CCDC110: variants seen among roughly 807,000 people sequenced by gnomAD.
CCDC110 encodes coiled-coil domain-containing protein 110.
In CCDC110, 70 loss-of-function variants were observed where a neutral mutation model predicts 77.1. That is an observed-to-expected ratio of 0.91 (90% CI 0.75 to 1.11). The LOEUF (loss-of-function observed/expected upper bound fraction) is 1.11, where lower values mean the gene tolerates loss of function less well. CCDC110 is among the 50% of genes least tolerant of loss of function. CCDC110 has a pLI of 0.00. For missense variants in CCDC110, 868 were observed against 942.9 expected, an observed-to-expected ratio of 0.92 and a Z score of 1.04; for synonymous variants, 295 against 312.5, an observed-to-expected ratio of 0.94 and a Z score of 0.59.
At chr4:185,447,122 A>T (rs2095614341) in intron 6 of CCDC110, among the ~76,000 whole-genome samples, 1 of 151,770 alleles carries the variant, frequency 6.6e-6, no homozygotes, top group Non-Finnish European at 1.5e-5. Flanking sequence ...GTCATTCCAT[A>T]TATGTTATAC....
rs2095637678 is a variant in CCDC110, at chr4:185,457,505, C to G, written c.2461+621G>C. ...GGCTCCTGCTATTGTAACAAACTCT[C>G]CTTAATCTCTCGCTCAGGAGTCTTG... On this transcript the variant is annotated intron_variant, in intron 6 of 6. Coordinates refer to ENST00000307588, the MANE Select transcript of CCDC110 (RefSeq NM_152775.4). 2.0e-5 allele frequency among the ~76,000 whole-genome samples: 3 copies of G among 152,196 alleles called. No homozygotes were observed. In the South Asian group the frequency reaches 6.2e-4, roughly 32 times the overall value.
intron 6 of CCDC110, among the ~76,000 whole-genome samples, chr4:185,453,873 G>T (rs1398392233): frequency 6.6e-6 from 1 of 150,528 alleles, no homozygotes; most frequent in Non-Finnish European, 1.5e-5. Flanking sequence ...GAGTGCAATG[G>T]TGTGATCTCG....
chr4:185,457,775 T>C lies in CCDC110; in HGVS notation c.2461+351A>G, dbSNP rs1416711381. ...CATTGATTTTAGCAGTTTATTTATA[T>C]ATCTTGGATGGAAGCAAATGATACA... On this transcript the variant is annotated intron_variant, in intron 6 of 6. Coordinates refer to ENST00000307588, the MANE Select transcript of CCDC110 (RefSeq NM_152775.4). The C allele has an allele frequency of 2.8e-6, 4 of 1,436,750 alleles. No individual in the cohort carries two copies. The Admixed American group carries it at 1.1e-4, about 40-fold the overall frequency. 89.0% of individuals were successfully genotyped at this position (1,436,750 alleles called of 1,614,324 possible). A position where few individuals can be genotyped will look rare whatever the true frequency, so the allele number is the denominator to read the frequency against.
chr4:185,453,293 G>A (rs1439419402), intron 6 of CCDC110, among the ~76,000 whole-genome samples: 1 of 152,100 alleles, frequency 6.6e-6, no homozygotes, highest in Non-Finnish European at 1.5e-5. Flanking sequence ...TAAGTTGTAA[G>A]GTAATTTGTT....
rs147851012 is a variant in CCDC110 at position 185,458,174 on chromosome 4, C to G, written c.2413G>C (p.Glu805Gln). 3.1e-6 allele frequency: 5 copies of G among 1,599,076 alleles called. No homozygotes were observed. The highest frequency in any genetic ancestry group is 4.3e-6 in the Non-Finnish European group (5 of 1,175,768). Residue 805 changes from glutamate (E) to glutamine (Q), a missense_variant, in exon 6 of 7, where the codon GAA becomes CAA. Physicochemically the swap from Glu to Gln is conservative, Grantham distance 29. Coordinates refer to ENST00000307588, the MANE Select transcript of CCDC110 (RefSeq NM_152775.4). ...CTACTCTGAGGACTAGAAGTATCTT[C>G]GTGAGTATAGTTGTCAAAATGGAAT... Reference protein sequence around the residue: ...EKFHFDNYTHEDTSSPQSRPL... With the variant: ...EKFHFDNYTHQDTSSPQSRPL...
In CCDC110 at chr4:185,460,012, T is replaced by C; in HGVS notation, c.575A>G (p.Asp192Gly). Residue 192 changes from aspartate (D) to glycine (G), a missense_variant, in exon 6 of 7, where the codon GAC becomes GGC. Coordinates refer to ENST00000307588, the MANE Select transcript of CCDC110 (RefSeq NM_152775.4). The stretch of plus-strand genomic sequence containing the variant: ...AAAGTTATTATAATTCTTCAAGATG[T>C]CAGAATTTTCTGAAGGGTGTATAAT... ...NIIIHPSENSDILKNYNNFYR... is the reference protein window; with the variant it reads ...NIIIHPSENSGILKNYNNFYR... The C allele has an allele frequency of 1.9e-6, 3 of 1,612,904 alleles. No individual in the cohort carries two copies. Among genetic ancestry groups the C allele is most frequent in the Non-Finnish European group, 1.7e-6 (2 of 1,179,210 alleles).
Position 185,460,090 on chromosome 4 carries a change from G to A in CCDC110, c.497C>T (p.Ser166Phe). 1 of 1,613,802 alleles carries A rather than the reference G, an allele frequency of 6.2e-7. No homozygotes were observed. The highest frequency in any genetic ancestry group is 1.7e-4 in the Middle Eastern group (1 of 6,058). Reference sequence around the variant, plus strand: ...AGTTCTCAGAGTTAATGTGTCCTCGGAATGTATCTGGGATGGAACATTTAC... The same window carrying A: ...AGTTCTCAGAGTTAATGTGTCCTCGAAATGTATCTGGGATGGAACATTTAC... ...QSVNVPSQIH[S>F]EDTLTLRTST... The change falls in exon 6 of 7, where the codon TCC (serine) becomes TTC (phenylalanine). Residue 166 changes from serine to phenylalanine, a missense_variant. Coordinates refer to ENST00000307588, the MANE Select transcript of CCDC110 (RefSeq NM_152775.4).
chr4:185,471,480 C>A, intron 1 of CCDC110, 194 bp downstream of exon 1: 2 of 571,512 alleles, frequency 3.5e-6, no homozygotes, highest in Non-Finnish European at 5.8e-6. Flanking sequence ...CGTAGCCAGC[C>A]TGTAAGCCAC....
intron 6 of CCDC110, among the ~76,000 whole-genome samples, chr4:185,456,169 CAG>C (rs1561155853): frequency 2.6e-5 from 4 of 151,882 alleles, no homozygotes; most frequent in South Asian, 2.1e-4. Flanking sequence ...CTGATCAAAA[CAG>C]AATTAAATTA....
rs1310545366 is a variant in CCDC110 at position 185,458,850 on chromosome 4, C to A, written c.1737G>T (p.Leu579=). ...IEMEAMKTNI[L]LIQDEKEMLE... ...ACATTTCTTTTTCATCTTGTATCAACAGAATATTGGTTTTCATTGCTTCCA... is the reference window on the plus strand; with the variant it reads ...ACATTTCTTTTTCATCTTGTATCAAAAGAATATTGGTTTTCATTGCTTCCA... The change falls in exon 6 of 7, where the codon CTG becomes CTT. Residue 579 remains leucine (L), a synonymous_variant. Coordinates refer to ENST00000307588, the MANE Select transcript of CCDC110 (RefSeq NM_152775.4). 6.2e-7 allele frequency: 1 copy of A among 1,605,774 alleles called. No homozygotes were observed. Among genetic ancestry groups the A allele is most frequent in the Admixed American group, 1.7e-5 (1 of 58,612 alleles).
chr4:185,458,854 A>G lies in CCDC110; in HGVS notation c.1733T>C (p.Ile578Thr), dbSNP rs1561159358. The change falls in exon 6 of 7, where the codon ATT becomes ACT. Residue 578 changes from isoleucine to threonine, a missense_variant. By Grantham distance (89) the Ile-to-Thr change is moderately conservative. Transcript: ENST00000307588. ...SIEMEAMKTN[I>T]LLIQDEKEML... The stretch of plus-strand genomic sequence containing the variant: ...TTCTTTTTCATCTTGTATCAACAGA[A>G]TATTGGTTTTCATTGCTTCCATTTC... The G allele has an allele frequency of 6.2e-7, 1 of 1,605,526 alleles. No individual in the cohort carries two copies. The highest frequency in any genetic ancestry group is 1.1e-5 in the South Asian group (1 of 88,378).
In CCDC110 at chr4:185,445,361, T is replaced by C. The variant is rs752378144; in HGVS notation, c.*141A>G. The C allele has an allele frequency of 5.8e-5, 44 of 762,098 alleles. No individual in the cohort carries two copies. The highest frequency in any genetic ancestry group is 8.9e-5 in the Non-Finnish European group (42 of 469,360). 47.2% of individuals were successfully genotyped at this position (762,098 alleles called of 1,614,324 possible). A position where few individuals can be genotyped will look rare whatever the true frequency, so the allele number is the denominator to read the frequency against. On this transcript the variant is annotated 3_prime_UTR_variant, in exon 7 of 7. Coordinates refer to ENST00000307588, the MANE Select transcript of CCDC110 (RefSeq NM_152775.4). ...AGCTTAAGTTATCTGCACCAAACCA[T>C]TCTGTGCATAATTTTTAAAGCAAAT... is the stretch of plus-strand genomic sequence containing the variant.
At chr4:185,451,316 C>G (rs557303863) in intron 6 of CCDC110, among the ~76,000 whole-genome samples, 5 of 152,236 alleles carry the variant, frequency 3.3e-5, no homozygotes, top group African/African-American at 1.2e-4. Flanking sequence ...GTCCTTCTGC[C>G]GGTCCAGGCT....
chr4:185,448,326 G>A (rs1313108751), intron 6 of CCDC110, among the ~76,000 whole-genome samples: 3 of 152,138 alleles, frequency 2.0e-5, no homozygotes, highest in African/African-American at 4.8e-5. Context: ...GAGCCACTGC[G>A]CCCGGTCAGA....
At position 185,468,265 on chromosome 4, in the gene CCDC110, T is replaced by C. The variant is rs2095659697; in HGVS notation, c.115+2680A>G. ...CACACACTCGCAGTGAGGGGATAAC[T>C]CTAGGCGAGTGTCCAGTTTGTAGAT... is the stretch of plus-strand genomic sequence containing the variant. On this transcript the variant is annotated intron_variant, in intron 2 of 6. Transcript: ENST00000307588. The surrounding 1 kb of genome is among the most constrained non-coding windows in gnomAD (Gnocchi z 4.5). Among the ~76,000 whole-genome samples, 1 of 152,210 alleles carries C rather than the reference T, an allele frequency of 6.6e-6. No individual in the cohort carries two copies. The highest frequency in any genetic ancestry group is 2.4e-5 in the African/African-American group (1 of 41,456).
chr4:185,447,062 A>G (rs1332005027), intron 6 of CCDC110, among the ~76,000 whole-genome samples: 1 of 152,112 alleles, frequency 6.6e-6, no homozygotes, highest in Non-Finnish European at 1.5e-5. Context: ...ATATCCTCAC[A>G]TGGAGCTTCT....
chr4:185,458,961 T>C lies in CCDC110; in HGVS notation c.1626A>G (p.Ala542=). 6.2e-7 allele frequency: 1 copy of C among 1,607,190 alleles called. No individual in the cohort carries two copies. The highest frequency in any genetic ancestry group is 8.5e-7 in the Non-Finnish European group (1 of 1,178,182). The change falls in exon 6 of 7, where the codon GCA becomes GCG. Residue 542 remains alanine (A), a synonymous_variant. Coordinates refer to ENST00000307588, the MANE Select transcript of CCDC110 (RefSeq NM_152775.4). ...LSLEKQQMME[A]LDQLKSKEHK... is the part of the protein sequence containing the mutation. ...GTTCCTTACTTTTTAGTTGATCTAA[T>C]GCTTCCATCATTTGTTGCTTCTCTA...
Position 185,470,949 on chromosome 4 carries a change from G to A in CCDC110, c.111C>T (p.Asp37=). The part of the protein sequence containing the change: ...SEGVKESGCS[D]TEYGCIAESE... ...TTTACGGTCTGGCGATTTTACCTGT[G>A]TCACTGCAGCCACTTTCCTTCACCC... Residue 37 remains aspartate, a synonymous_variant, in exon 2 of 7, where the codon GAC becomes GAT. Transcript: ENST00000307588. 6.2e-7 allele frequency: 1 copy of A among 1,608,340 alleles called. No individual in the cohort carries two copies. Among genetic ancestry groups the A allele is most frequent in the Non-Finnish European group, 8.5e-7 (1 of 1,176,046 alleles).
chr4:185,458,999 T>A lies in CCDC110; in HGVS notation c.1588A>T (p.Ile530Leu). 1.9e-6 allele frequency: 3 copies of A among 1,600,848 alleles called. No homozygotes were observed. Among genetic ancestry groups the A allele is most frequent in the Non-Finnish European group, 2.6e-6 (3 of 1,176,434 alleles). ...GQNKTLEEKN[I>L]QLSLEKQQMM... ...TGTTGCTTCTCTAAAGAAAGTTGTA[T>A]ATTTTTTTCCTCTAGAGTTTTATTT... Residue 530 changes from isoleucine to leucine, a missense_variant, in exon 6 of 7, where the codon ATA becomes TTA. Ile to Leu is a conservative substitution (Grantham distance 5). Transcript: ENST00000307588.
Sources: gnomAD v4.1 joint callset for allele counts (sites outside exome capture counted in the v4.1 genomes callset) on GRCh38, gnomAD v4.1.1 for gene constraint, Gnocchi (gnomAD v3.1) non-coding constraint, MANE v1.5 for transcripts, NCBI Gene and HGNC (gene_info 2026-07-23, HGNC 2026-07-21) for gene names.